Variants in OXNAD1 observed in about 807,000 individuals in gnomAD.
OXNAD1 encodes the protein oxidoreductase NAD binding domain containing 1, also known as oxidoreductase NAD-binding domain-containing protein 1.
OXNAD1 carries 34 observed loss-of-function variants against 32.9 expected under a neutral mutation model. The ratio of observed to expected loss-of-function variants is 1.03; its 90% CI spans 0.79 to 1.38. The LOEUF (loss-of-function observed/expected upper bound fraction) is 1.38. OXNAD1 is among the 40% of genes most tolerant of loss of function. The pLI is 0.00. For synonymous variants in OXNAD1, 134 were observed against 135.2 expected (o/e 0.99, Z 0.06); for missense variants, 407 against 379.4 (o/e 1.07, Z -0.60).
At position 16,312,543 on chromosome 3, in the gene OXNAD1, G is replaced by A. The variant is rs188819805; in HGVS notation, c.*30+8951G>A. ...CAATCTTAGGCTGCTGTGAGCCCTA[G>A]CAGGACAGAGCCCAGACTGTGTGCT... On this transcript the variant is annotated intron_variant, in intron 9 of 9. Coordinates refer to the OXNAD1 transcript ENST00000435829. This position sits in a 1 kb window ranked among gnomAD's most constrained non-coding sequence, Gnocchi z 4.7. Among the ~76,000 whole-genome samples the A allele has an allele frequency of 5.3e-5, 8 of 152,316 alleles. No individual in the cohort carries two copies. The highest frequency in any genetic ancestry group is 1.7e-4 in the African/African-American group (7 of 41,578).
chr3:16,323,951 C>T (rs1157912999), intron 9 of OXNAD1, among the ~76,000 whole-genome samples: 1 of 152,192 alleles, frequency 6.6e-6, no homozygotes, highest in Non-Finnish European at 1.5e-5. Context: ...CAGCACCAGG[C>T]GGGCCCTGCA....
At position 16,302,823 on chromosome 3, in the gene OXNAD1, G is replaced by T; in HGVS notation, c.784+75G>T. ...ACACACCAGTTGGTTGAGCGTAGAT[G>T]CTTTATTGTTGGAAGCTGCTGGCTG... On this transcript the variant is annotated intron_variant, in intron 8 of 8. Coordinates refer to ENST00000285083, the MANE Select transcript of OXNAD1 (RefSeq NM_138381.5). The surrounding 1 kb of genome is among the most constrained non-coding windows in gnomAD (Gnocchi z 4.2). 1 of 1,127,808 alleles carries T rather than the reference G, an allele frequency of 8.9e-7. No individual in the cohort carries two copies. The allele number at this position is 1,127,808 out of a possible 1,614,324, so 69.9% of individuals were successfully genotyped here.
At chr3:16,339,941 C>T (rs988536513), downstream of OXNAD1, 1 of 152,164 alleles carries the variant, frequency 6.6e-6, no homozygotes, top group African/African-American at 2.4e-5. Flanking sequence ...GTAAATCATG[C>T]CTAAAATGAG....
At chr3:16,349,139 G>A (rs1478995255) in intron 9 of OXNAD1, 1 of 152,200 alleles carries the variant, frequency 6.6e-6, no homozygotes, top group East Asian at 1.9e-4. Context: ...AACACAAACT[G>A]TATAAACTAA....
chr3:16,275,930 C>T (rs1323654448), intron 4 of OXNAD1: 1 of 152,674 alleles, frequency 6.5e-6, no homozygotes, highest in East Asian at 1.9e-4. Flanking sequence ...AATTTAGATA[C>T]TCAAAAGATG....
chr3:16,336,320 C>A lies in OXNAD1; in HGVS notation c.*31-792C>A, dbSNP rs1003274393. 2.6e-5 allele frequency among the ~76,000 whole-genome samples: 4 copies of A among 152,146 alleles called. No individual in the cohort carries two copies. The highest frequency in any genetic ancestry group is 9.7e-5 in the African/African-American group (4 of 41,440). ...CTCTTCTGCCCCAGGAGATCCCAGT[C>A]TAGGGGTGGGGAGAACAAGCACATG... On this transcript the variant is annotated intron_variant, in intron 9 of 9. Coordinates refer to the OXNAD1 transcript ENST00000435829. This position sits in a 1 kb window ranked among gnomAD's most constrained non-coding sequence, Gnocchi z 6.0.
At chr3:16,286,255 C>CA in intron 4 of OXNAD1, 87 bp from the exon 5 acceptor site, 1 of 1,073,720 alleles carries the variant, frequency 9.3e-7, no homozygotes, top group Non-Finnish European at 1.4e-6. Context: ...TTGTAGGTTT[C>CA]AAAAACCTTA....
intron 4 of OXNAD1, among the ~76,000 whole-genome samples, chr3:16,272,635 C>G (rs2065029559): frequency 7.1e-6 from 1 of 141,082 alleles, no homozygotes; most frequent in South Asian, 2.2e-4. Context: ...TTTGTTGATT[C>G]AGCTTAAAGT....
chr3:16,305,642 C>CAGAGT lies in OXNAD1; in HGVS notation c.*2082_*2086dup, dbSNP rs2067497651. The CAGAGT allele has an allele frequency of 6.6e-6, 1 of 152,220 alleles. No individual in the cohort carries two copies. Among genetic ancestry groups the CAGAGT allele is most frequent in the Admixed American group, 6.5e-5 (1 of 15,282 alleles). The allele number at this position is 152,220 out of a possible 1,614,324, so 9.4% of individuals were successfully genotyped here. A position where few individuals can be genotyped will look rare whatever the true frequency, so the allele number is the denominator to read the frequency against. On this transcript the variant is annotated 3_prime_UTR_variant, in exon 9 of 9. Transcript: ENST00000285083. The surrounding 1 kb of genome is among the most constrained non-coding windows in gnomAD (Gnocchi z 4.5). Reference sequence around the variant, plus strand: ...GCTTGGAATTCATAGTGCGGTGGCTCAGAGTATAGGCTCGAAAGCCCTTGA... The same window carrying CAGAGT: ...GCTTGGAATTCATAGTGCGGTGGCTCAGAGTAGAGTATAGGCTCGAAAGCCCTTGA...
chr3:16,283,666 G>A (rs1381016068), intron 4 of OXNAD1, among the ~76,000 whole-genome samples: 2 of 152,154 alleles, frequency 1.3e-5, no homozygotes, highest in Non-Finnish European at 2.9e-5. Context: ...TGGGAGGAGA[G>A]TAGTAGTCTG....
rs1292918732 is a variant in OXNAD1, at chr3:16,305,620, T to TGGAA, written c.*2059_*2062dup. 7 of 152,364 alleles carry TGGAA rather than the reference T, an allele frequency of 4.6e-5. No homozygotes were observed. The East Asian group carries it at 1.3e-3, about 29-fold the overall frequency. The allele number at this position is 152,364 out of a possible 1,614,324, so 9.4% of individuals were successfully genotyped here. A position where few individuals can be genotyped will look rare whatever the true frequency, so the allele number is the denominator to read the frequency against. On this transcript the variant is annotated 3_prime_UTR_variant, in exon 9 of 9. Transcript: ENST00000285083. This position sits in a 1 kb window ranked among gnomAD's most constrained non-coding sequence, Gnocchi z 4.5. Reference sequence around the variant, plus strand: ...TGAGCTAACTCCAGCCAGAGTGGCTTGGAATTCATAGTGCGGTGGCTCAGA... The same window carrying TGGAA: ...TGAGCTAACTCCAGCCAGAGTGGCTTGGAAGGAATTCATAGTGCGGTGGCTCAGA...
chr3:16,313,205 A>ATTTTTTTGTTTTTTTT (rs2068094258), intron 9 of OXNAD1, among the ~76,000 whole-genome samples: 1 of 103,806 alleles, frequency 9.6e-6, no homozygotes, highest in Non-Finnish European at 1.9e-5. Flanking sequence ...CACCCAGCGG[A>ATTTTTTTGTTTTTTTT]TTTTTTTTTT....
Position 16,298,172 on chromosome 3 carries a change from T to C in OXNAD1, c.432+3175T>C, listed in dbSNP as rs1383543724. The stretch of plus-strand genomic sequence containing the variant: ...GTGTGGCCTCAGCTGCCTCATTGCT[T>C]TTTGGAGTCTCTGGATTTTCCCCTC... On this transcript the variant is annotated intron_variant, in intron 6 of 8. Coordinates refer to ENST00000285083, the MANE Select transcript of OXNAD1 (RefSeq NM_138381.5). This position sits in a 1 kb window ranked among gnomAD's most constrained non-coding sequence, Gnocchi z 5.1. Among the ~76,000 whole-genome samples, 1 of 152,090 alleles carries C rather than the reference T, an allele frequency of 6.6e-6. No homozygotes were observed. The highest frequency in any genetic ancestry group is 1.5e-5 in the Non-Finnish European group (1 of 68,004).
At chr3:16,274,167 T>TAAAAAAAAAAAAAA (rs34969392) in intron 4 of OXNAD1, among the ~76,000 whole-genome samples, 1 of 122,406 alleles carries the variant, frequency 8.2e-6, no homozygotes. Flanking sequence ...GTACTATCAC[T>TAAAAAAAAAAAAAA]AAAAAAAAAA....
downstream of OXNAD1, chr3:16,339,630 C>T (rs935662365): frequency 6.6e-6 from 1 of 152,218 alleles, no homozygotes; most frequent in African/African-American, 2.4e-5. Context: ...TGAAAATGGT[C>T]TCAGAGAGAC....
rs1249880989 is a variant in OXNAD1, at chr3:16,297,746, T to C, written c.432+2749T>C. Among the ~76,000 whole-genome samples, 1 of 152,176 alleles carries C rather than the reference T, an allele frequency of 6.6e-6. No homozygotes were observed. The highest frequency in any genetic ancestry group is 2.4e-5 in the African/African-American group (1 of 41,448). ...GAGGCAGTCCCAAAAGGTTACATACTGTAAAATCCCATTTTTGTCACATTC... is the reference window on the plus strand; with the variant it reads ...GAGGCAGTCCCAAAAGGTTACATACCGTAAAATCCCATTTTTGTCACATTC... On this transcript the variant is annotated intron_variant, in intron 6 of 8. Coordinates refer to ENST00000285083, the MANE Select transcript of OXNAD1 (RefSeq NM_138381.5). The surrounding 1 kb of genome is among the most constrained non-coding windows in gnomAD (Gnocchi z 4.3).
intron 5 of OXNAD1, among the ~76,000 whole-genome samples, chr3:16,293,890 C>G (rs1021865845): frequency 1.3e-5 from 2 of 152,128 alleles, no homozygotes; most frequent in East Asian, 1.9e-4. Context: ...TGTCAAATGT[C>G]TTTTCTTGAC....
chr3:16,311,398 G>A (rs2067976718), intron 9 of OXNAD1, among the ~76,000 whole-genome samples: 1 of 152,062 alleles, frequency 6.6e-6, no homozygotes, highest in East Asian at 1.9e-4. Context: ...CACCATGTTG[G>A]CCAGGCTGGT....
intron 9 of OXNAD1, among the ~76,000 whole-genome samples, chr3:16,318,830 G>C (rs2068722492): frequency 6.6e-6 from 1 of 152,214 alleles, no homozygotes; most frequent in South Asian, 2.1e-4. Flanking sequence ...GTAGCTGACA[G>C]ACTTCCCTTA....
Sources: gnomAD v4.1 joint callset for allele counts (sites outside exome capture counted in the v4.1 genomes callset) on GRCh38, gnomAD v4.1.1 for gene constraint, Gnocchi (gnomAD v3.1) non-coding constraint, MANE v1.5 for transcripts, NCBI Gene and HGNC (gene_info 2026-07-23, HGNC 2026-07-21) for gene names.